The following BLTP3B variants were observed in gnomAD, a reference collection of about 807,000 sequenced individuals.
The protein encoded by BLTP3B is bridge-like lipid transfer protein family member 3B.
chr12:100,126,344 G>A, the BLTP3B span, among the ~76,000 whole-genome samples: 578 of 152,222 alleles, frequency 3.8e-3, 2 homozygotes, highest in Non-Finnish European at 6.5e-3. Context: ...GCCAGATCAT[G>A]AAGGACTCTT....
chr12:100,141,498 T>C, the BLTP3B span, among the ~76,000 whole-genome samples: 1 of 152,160 alleles, frequency 6.6e-6, no homozygotes, highest in African/African-American at 2.4e-5. Flanking sequence ...AAAAGTGCTA[T>C]ATCTTATTCA....
chr12:100,093,167 T>C, the BLTP3B span, among the ~76,000 whole-genome samples: 1 of 152,364 alleles, frequency 6.6e-6, no homozygotes, highest in South Asian at 2.1e-4. Flanking sequence ...CCCAGTGGTC[T>C]GTTTGCCAAA....
At chr12:100,086,889 G>A in the BLTP3B span, among the ~76,000 whole-genome samples, 5 of 152,216 alleles carry the variant, frequency 3.3e-5, no homozygotes, top group East Asian at 1.9e-4. Context: ...GGCTGGGCGC[G>A]GTGGCTCACG....
chr12:100,082,985 T>C, the BLTP3B span: 7 of 1,520,940 alleles, frequency 4.6e-6, no homozygotes, highest in South Asian at 8.0e-5. Flanking sequence ...AAAGTGTTTA[T>C]GAGAAAACTT....
chr12:100,129,194 T>C, the BLTP3B span, among the ~76,000 whole-genome samples: 1 of 151,616 alleles, frequency 6.6e-6, no homozygotes, highest in Non-Finnish European at 1.5e-5. Context: ...AAGCTAGCCA[T>C]AAAAAACAAT....
At chr12:100,076,388 C>CTTTTTTTT in the BLTP3B span, among the ~76,000 whole-genome samples, 2 of 110,214 alleles carry the variant, frequency 1.8e-5, no homozygotes, top group African/African-American at 7.3e-5. Context: ...CCTCAGCAAT[C>CTTTTTTTT]TTTTTTTTTT....
the BLTP3B span, among the ~76,000 whole-genome samples, chr12:100,047,026 T>G: frequency 6.6e-6 from 1 of 152,040 alleles, no homozygotes; most frequent in Non-Finnish European, 1.5e-5. Flanking sequence ...TATATGAGGT[T>G]TTTTCCAGGG....
the BLTP3B span, among the ~76,000 whole-genome samples, chr12:100,140,704 CAAAAAAAAAAAA>C: frequency 1.5e-4 from 5 of 33,774 alleles, no homozygotes; most frequent in Admixed American, 5.5e-4. Context: ...GACTCTGTCT[CAAAAAAAAAAAA>C]AAAAAAAAAA....
At chr12:100,063,377 C>T in the BLTP3B span, among the ~76,000 whole-genome samples, 1 of 152,136 alleles carries the variant, frequency 6.6e-6, no homozygotes, top group East Asian at 1.9e-4. Flanking sequence ...ACAATCACCA[C>T]AGCCTGGCTC....
chr12:100,136,833 T>C, the BLTP3B span, among the ~76,000 whole-genome samples: 14 of 152,092 alleles, frequency 9.2e-5, no homozygotes, highest in Non-Finnish European at 1.2e-4. Flanking sequence ...TTTTTTGAGA[T>C]GGAGTTTCGC....
chr12:100,047,469 A>G, the BLTP3B span: 4 of 1,294,516 alleles, frequency 3.1e-6, no homozygotes, highest in African/African-American at 4.4e-5. Flanking sequence ...ATTGCACTCA[A>G]GCCTGGGCAA....
chr12:100,084,738 T>C, the BLTP3B span: 1 of 1,391,090 alleles, frequency 7.2e-7, no homozygotes, highest in Non-Finnish European at 9.7e-7. Flanking sequence ...TCCAATGAGA[T>C]TTAGTCGTTT....
the BLTP3B span, among the ~76,000 whole-genome samples, chr12:100,055,048 G>A: frequency 2.6e-5 from 4 of 152,092 alleles, no homozygotes; most frequent in Admixed American, 2.6e-4. Flanking sequence ...CATCTATCAT[G>A]TAAGGTAAAC....
At chr12:100,104,371 T>G in the BLTP3B span, among the ~76,000 whole-genome samples, 1 of 151,822 alleles carries the variant, frequency 6.6e-6, no homozygotes, top group South Asian at 2.1e-4. Context: ...GCCCGGCTAA[T>G]TTTTGTATTT....
chr12:100,079,430 G>A, the BLTP3B span, among the ~76,000 whole-genome samples: 3 of 152,160 alleles, frequency 2.0e-5, no homozygotes, highest in Admixed American at 2.0e-4. Flanking sequence ...TTAGCAGACG[G>A]GCAGCATTTT....
At chr12:100,051,253 A>G in the BLTP3B span, 6 of 1,600,050 alleles carry the variant, frequency 3.7e-6, no homozygotes, top group East Asian at 1.1e-4. Flanking sequence ...TTAATAAATT[A>G]AAGTCAGTTT....
At chr12:100,071,208 C>T in the BLTP3B span, among the ~76,000 whole-genome samples, 2 of 151,736 alleles carry the variant, frequency 1.3e-5, no homozygotes, top group Non-Finnish European at 2.9e-5. Context: ...TTAAGAATTC[C>T]GAGATGGGCC....
the BLTP3B span, among the ~76,000 whole-genome samples, chr12:100,109,295 C>G: frequency 6.6e-6 from 1 of 151,496 alleles, no homozygotes; most frequent in Non-Finnish European, 1.5e-5. Flanking sequence ...CCCAGCCATG[C>G]AGAAGTGTAA....
chr12:100,132,982 A>G, the BLTP3B span, among the ~76,000 whole-genome samples: 1 of 151,552 alleles, frequency 6.6e-6, no homozygotes, highest in Non-Finnish European at 1.5e-5. Context: ...GGTGGCTCAC[A>G]TCTGTAATCC....
Sources: allele counts gnomAD v4.1 joint callset (sites outside exome capture counted in the v4.1 genomes callset), GRCh38; gene constraint gnomAD v4.1.1; transcripts MANE v1.5; gene names NCBI Gene and HGNC (gene_info 2026-07-23, HGNC 2026-07-21).